GUCY1A2: variants seen among roughly 807,000 people sequenced by gnomAD.
GUCY1A2 encodes guanylate cyclase 1 soluble subunit alpha 2.
A neutral mutation model predicts 63.5 loss-of-function variants in GUCY1A2; 27 were observed. That is an observed-to-expected ratio of 0.43 (90% CI 0.31 to 0.59). The LOEUF (loss-of-function observed/expected upper bound fraction) is 0.59. GUCY1A2 is among the 20% of genes least tolerant of loss of function. The probability of loss-of-function intolerance (pLI) is 0.11; values close to 1 mark genes in which losing one functional copy is unlikely to be tolerated. For missense variants in GUCY1A2, 768 were observed against 913.3 expected (o/e 0.84, Z 2.05); for synonymous variants, 364 against 343.5 (o/e 1.06, Z -0.66).
At chr11:106,930,066 G>C (rs540841737) in intron 4 of GUCY1A2, among the ~76,000 whole-genome samples, 1 of 152,216 alleles carries the variant, frequency 6.6e-6, no homozygotes, top group Admixed American at 6.5e-5. Context: ...GTAAGGCTTA[G>C]TCAAAACTAA....
rs748679046 is a variant in GUCY1A2, at chr11:106,676,662, A to G, written c.*10887T>C. ...ACAGTGCATCAGTTATCTCTAGATA[A>G]AGAGCCAGTAAAATCAAGTTGCATT... is the stretch of plus-strand genomic sequence containing the variant. On this transcript the variant is annotated 3_prime_UTR_variant, in exon 8 of 8. Transcript: ENST00000526355. 25 of 191,662 alleles carry G rather than the reference A, an allele frequency of 1.3e-4. No individual in the cohort carries two copies. The highest frequency in any genetic ancestry group is 2.5e-4 in the Non-Finnish European group (23 of 91,482). 11.9% of individuals were successfully genotyped at this position (191,662 alleles called of 1,614,324 possible). A position where few individuals can be genotyped will look rare whatever the true frequency, so the allele number is the denominator to read the frequency against.
chr11:106,883,367 A>G (rs1859852855), intron 4 of GUCY1A2, among the ~76,000 whole-genome samples: 1 of 152,094 alleles, frequency 6.6e-6, no homozygotes, highest in Admixed American at 6.6e-5. Context: ...TGTTATTTGT[A>G]TCTATGATAA....
At chr11:106,772,469 T>C (rs1363786518) in intron 6 of GUCY1A2, among the ~76,000 whole-genome samples, 1 of 152,146 alleles carries the variant, frequency 6.6e-6, no homozygotes, top group African/African-American at 2.4e-5. Flanking sequence ...ATTAATATGA[T>C]GAAAAATAAT....
intron 1 of GUCY1A2, among the ~76,000 whole-genome samples, chr11:106,996,579 T>A (rs1399079201): frequency 6.6e-6 from 1 of 152,340 alleles, no homozygotes; most frequent in African/African-American, 2.4e-5. Flanking sequence ...ATTAAGATTT[T>A]GAGTAATAAG....
At chr11:106,873,128 C>T (rs776212099) in intron 4 of GUCY1A2, among the ~76,000 whole-genome samples, 13 of 152,126 alleles carry the variant, frequency 8.5e-5, no homozygotes, top group African/African-American at 9.7e-5. Context: ...CATAGTATTC[C>T]GTGGTATATA....
chr11:106,706,540 G>A (rs1862914789), intron 7 of GUCY1A2, among the ~76,000 whole-genome samples: 1 of 142,538 alleles, frequency 7.0e-6, no homozygotes, highest in Non-Finnish European at 1.5e-5. Context: ...TGTATGGCTG[G>A]CAGAGTTTTT....
At chr11:107,000,788 TAAC>T (rs1489606684) in intron 1 of GUCY1A2, among the ~76,000 whole-genome samples, 5 of 152,060 alleles carry the variant, frequency 3.3e-5, no homozygotes, top group Admixed American at 1.3e-4. Context: ...TTTTAGAAAA[TAAC>T]AAACTCCTTA....
chr11:106,876,075 C>T (rs1859744532), intron 4 of GUCY1A2, among the ~76,000 whole-genome samples: 1 of 152,028 alleles, frequency 6.6e-6, no homozygotes, highest in South Asian at 2.1e-4. Context: ...AATATTCAGT[C>T]TGATGTCAGT....
At chr11:106,979,849 CA>C (rs1455562746) in intron 2 of GUCY1A2, among the ~76,000 whole-genome samples, 4 of 152,136 alleles carry the variant, frequency 2.6e-5, no homozygotes, top group African/African-American at 9.7e-5. Context: ...CTTACAGAAG[CA>C]AAAGAACAGA....
intron 6 of GUCY1A2, among the ~76,000 whole-genome samples, chr11:106,718,963 T>G (rs777794152): frequency 6.6e-6 from 1 of 152,148 alleles, no homozygotes. Context: ...TGACATCCAG[T>G]CTTTGGCTAT....
chr11:106,720,252 T>C (rs1863292567), intron 6 of GUCY1A2, among the ~76,000 whole-genome samples: 1 of 152,158 alleles, frequency 6.6e-6, no homozygotes, highest in Admixed American at 6.5e-5. Flanking sequence ...TTATAGAGTA[T>C]TTTATATAAA....
chr11:106,762,378 T>C (rs574329020), intron 6 of GUCY1A2, among the ~76,000 whole-genome samples: 2 of 152,264 alleles, frequency 1.3e-5, no homozygotes, highest in African/African-American at 4.8e-5. Context: ...TAAAGTTCTC[T>C]ACTTTCTCCT....
chr11:106,858,280 T>C (rs779284916), intron 4 of GUCY1A2, among the ~76,000 whole-genome samples: 2 of 152,186 alleles, frequency 1.3e-5, no homozygotes, highest in Non-Finnish European at 2.9e-5. Flanking sequence ...CTATGAGTTA[T>C]ATAAAGAAAT....
At chr11:106,710,287 AATATATAGTTATATATT>A (rs1468212795) in intron 6 of GUCY1A2, among the ~76,000 whole-genome samples, 19 of 180 alleles carry the variant, frequency 0.11, 2 homozygotes, top group African/African-American at 0.18. Context: ...TTATATATAT[AATATATAGTTATATATT>A]ATATACATGT....
chr11:106,874,649 A>G (rs891767254), intron 4 of GUCY1A2, among the ~76,000 whole-genome samples: 1 of 152,134 alleles, frequency 6.6e-6, no homozygotes. Context: ...TTATTGGCAT[A>G]AAAATCTCAG....
At chr11:106,879,701 T>C (rs898218061) in intron 4 of GUCY1A2, among the ~76,000 whole-genome samples, 3 of 152,058 alleles carry the variant, frequency 2.0e-5, no homozygotes, top group African/African-American at 7.2e-5. Context: ...TCCATTGCCA[T>C]TGCCTAATAC....
At chr11:106,690,456 T>C (rs1257543312) in intron 7 of GUCY1A2, among the ~76,000 whole-genome samples, 1 of 152,064 alleles carries the variant, frequency 6.6e-6, no homozygotes, top group Admixed American at 6.6e-5. Flanking sequence ...TCATTTATAA[T>C]TGGGAACTAA....
At chr11:106,990,704 G>C (rs1377239621) in intron 1 of GUCY1A2, among the ~76,000 whole-genome samples, 2 of 152,222 alleles carry the variant, frequency 1.3e-5, no homozygotes, top group Non-Finnish European at 2.9e-5. Context: ...TTAAGCAAGT[G>C]TCACAAGATT....
chr11:106,752,812 A>G (rs11211893), intron 6 of GUCY1A2, among the ~76,000 whole-genome samples: 28,429 of 152,132 alleles, frequency 0.19, 3,771 homozygotes, highest in African/African-American at 0.38. Context: ...CAGTGCCACA[A>G]TAAACATACG....
Sources: allele counts gnomAD v4.1 joint callset (sites outside exome capture counted in the v4.1 genomes callset), GRCh38; gene constraint gnomAD v4.1.1; transcripts MANE v1.5; gene names NCBI Gene and HGNC (gene_info 2026-07-23, HGNC 2026-07-21).